TENM1: variants seen among roughly 807,000 people sequenced by gnomAD.
The protein encoded by TENM1 is teneurin-1.
TENM1 carries 35 observed loss-of-function variants against 174.8 expected under a neutral mutation model. That is an observed-to-expected ratio of 0.20 (90% CI 0.15 to 0.27). The LOEUF (loss-of-function observed/expected upper bound fraction) is 0.27, where lower values mean the gene tolerates loss of function less well. TENM1 is among the 10% of genes least tolerant of loss of function. TENM1 has a pLI of 1.00. For missense variants in TENM1, 1,633 were observed against 2,130.1 expected, an observed-to-expected ratio of 0.77 and a Z score of 4.59; for synonymous variants, 781 against 798.7, an observed-to-expected ratio of 0.98 and a Z score of 0.37.
intron 22 of TENM1, among the ~76,000 whole-genome samples, chrX:124,459,773 A>G (rs2061148046): frequency 8.9e-6 from 1 of 112,209 alleles, no homozygotes; most frequent in Admixed American, 9.5e-5. Flanking sequence ...AATTATCAAC[A>G]GAGTACACAG....
rs374872675 is a variant in TENM1, at chrX:124,783,674, C to T, written c.536-46477G>A. 2.0e-4 allele frequency among the ~76,000 whole-genome samples: 22 copies of T among 111,515 alleles called. No homozygotes were observed. In the East Asian group the frequency reaches 5.6e-3, roughly 28 times the overall value. ...AGCAGATTATGGTGGGGAATCAACA[C>T]TTGGAAGAAGGGAAGGCATGGGTTA... On this transcript the variant is annotated intron_variant, in intron 3 of 31. Coordinates refer to ENST00000422452, the Ensembl canonical transcript of TENM1.
chrX:124,922,198 T>G, intron 1 of TENM1, among the ~76,000 whole-genome samples: 1 of 111,783 alleles, frequency 8.9e-6, no homozygotes, highest in Non-Finnish European at 1.9e-5. Flanking sequence ...TTACTTGGTT[T>G]GCAGTCTTTT....
the TENM1 span, among the ~76,000 whole-genome samples, chrX:125,191,212 G>T: frequency 1.9e-5 from 2 of 108,006 alleles, no homozygotes; most frequent in East Asian, 5.8e-4. Flanking sequence ...CATTATTAAG[G>T]CTTTTGCAGC....
intron 11 of TENM1, among the ~76,000 whole-genome samples, chrX:124,569,032 C>T (rs2048999187): frequency 9.0e-6 from 1 of 111,083 alleles, no homozygotes; most frequent in African/African-American, 3.3e-5. Context: ...AGTGAGACTC[C>T]ATCTCTACAA....
chrX:125,015,419 T>C, the TENM1 span, among the ~76,000 whole-genome samples: 2 of 111,437 alleles, frequency 1.8e-5, no homozygotes, highest in African/African-American at 6.5e-5. Context: ...AACTTGATAA[T>C]TTAGTAAGAA....
chrX:125,165,262 TA>T, the TENM1 span, among the ~76,000 whole-genome samples: 5 of 111,768 alleles, frequency 4.5e-5, no homozygotes, highest in Non-Finnish European at 9.4e-5. Context: ...ATATTAAACA[TA>T]AATGTGTAGA....
At chrX:124,402,779 T>A (rs1379168065) in intron 27 of TENM1, among the ~76,000 whole-genome samples, 1 of 111,665 alleles carries the variant, frequency 9.0e-6, no homozygotes, top group East Asian at 2.8e-4. Flanking sequence ...TTCAATACAA[T>A]TTTTCTGTGA....
At chrX:124,609,034 A>G (rs1385659709) in intron 11 of TENM1, among the ~76,000 whole-genome samples, 1 of 111,184 alleles carries the variant, frequency 9.0e-6, no homozygotes, top group Non-Finnish European at 1.9e-5. Context: ...AGCTCTGGAA[A>G]TTGATACCAC....
chrX:125,113,565 A>T, the TENM1 span, among the ~76,000 whole-genome samples: 42 of 111,416 alleles, frequency 3.8e-4, no homozygotes, highest in East Asian at 0.01. Context: ...AGGGATGGAG[A>T]AATAATTACC....
chrX:124,380,946 T>C (rs372839516), exon 32 of TENM1: 15 of 1,209,897 alleles, frequency 1.2e-5, no homozygotes, highest in Non-Finnish European at 1.6e-5. Context: ...CCCCCAGTGT[T>C]ACCGATGAGC....
chrX:124,640,269 G>T (rs150659073), intron 11 of TENM1, among the ~76,000 whole-genome samples: 61 of 111,256 alleles, frequency 5.5e-4, no homozygotes, highest in African/African-American at 2.0e-3. Context: ...TCTATGTGAG[G>T]CAACAAAATT....
At chrX:124,604,810 A>T (rs756667925) in intron 11 of TENM1, among the ~76,000 whole-genome samples, 2 of 111,120 alleles carry the variant, frequency 1.8e-5, no homozygotes, top group African/African-American at 6.5e-5. Flanking sequence ...TCCTAGATCC[A>T]GTAGCTGTGT....
chrX:124,987,733 G>A, the TENM1 span, among the ~76,000 whole-genome samples: 15 of 108,171 alleles, frequency 1.4e-4, no homozygotes, highest in African/African-American at 4.8e-4. Context: ...GTGTGTGTGT[G>A]TGTGTGTGTG....
chrX:124,998,296 C>T, the TENM1 span, among the ~76,000 whole-genome samples: 1 of 108,877 alleles, frequency 9.2e-6, no homozygotes, highest in African/African-American at 3.3e-5. Flanking sequence ...AGGAGATTGA[C>T]GTTAAAATAA....
chrX:124,666,768 A>C (rs1459891582), intron 6 of TENM1, among the ~76,000 whole-genome samples: 1 of 111,698 alleles, frequency 9.0e-6, no homozygotes, highest in Non-Finnish European at 1.9e-5. Flanking sequence ...AACTAGCTAG[A>C]AACAAAGATA....
chrX:124,784,231 C>T (rs1398424027), intron 3 of TENM1, among the ~76,000 whole-genome samples: 3 of 111,258 alleles, frequency 2.7e-5, no homozygotes, highest in African/African-American at 6.5e-5. Context: ...TAGAGAATAA[C>T]TCCAAGAAAA....
chrX:124,382,528 C>T, intron 31 of TENM1, 142 bp downstream of exon 34: 5 of 465,255 alleles, frequency 1.1e-5, no homozygotes, highest in Admixed American at 4.7e-5. Context: ...TTTTTTTATA[C>T]CTTCTCATTA....
chrX:124,726,080 C>T (rs960011875), intron 4 of TENM1, among the ~76,000 whole-genome samples: 1 of 112,085 alleles, frequency 8.9e-6, no homozygotes, highest in African/African-American at 3.2e-5. Flanking sequence ...TTTTTGTTTG[C>T]TATACTCGTA....
intron 4 of TENM1, among the ~76,000 whole-genome samples, chrX:124,706,411 G>A (rs766907712): frequency 8.9e-6 from 1 of 111,967 alleles, no homozygotes; most frequent in Non-Finnish European, 1.9e-5. Context: ...CTATCAAGAT[G>A]TATAACATTC....
Sources: gnomAD v4.1 joint callset for allele counts (sites outside exome capture counted in the v4.1 genomes callset) on GRCh38, gnomAD v4.1.1 for gene constraint, MANE v1.5 for transcripts, NCBI Gene and HGNC (gene_info 2026-07-23, HGNC 2026-07-21) for gene names.